Variants in SCARB1 observed in about 807,000 individuals in gnomAD.
The protein encoded by SCARB1 is CD36 and LIMPII analogous 1.
A neutral mutation model predicts 57.2 loss-of-function variants in SCARB1; 30 were observed. That is an observed-to-expected ratio of 0.52 (90% CI 0.39 to 0.71). The LOEUF is 0.71. SCARB1 is among the 30% of genes least tolerant of loss of function. The probability of loss-of-function intolerance (pLI) is 0.00; values close to 1 mark genes in which losing one functional copy is unlikely to be tolerated. For missense variants in SCARB1, 543 were observed against 671.2 expected (o/e 0.81, Z 2.11); for synonymous variants, 249 against 268.3 (o/e 0.93, Z 0.70).
chr12:124,834,778 T>TG (rs1951562777), intron 1 of SCARB1, among the ~76,000 whole-genome samples: 1 of 152,160 alleles, frequency 6.6e-6, no homozygotes, highest in East Asian at 1.9e-4. Context: ...CATGGTGGCA[T>TG]GTACTTGTAG....
rs838915 is a variant in SCARB1 at position 124,800,051 on chromosome 12, G to T, written c.1128+73C>A. On this transcript the variant is annotated intron_variant, in intron 8 of 12. Transcript: ENST00000261693. This position sits in a 1 kb window ranked among gnomAD's most constrained non-coding sequence, Gnocchi z 4.8. ...CCAGCCCACAGCAGCTCTCTGCCTGGGGAGAGAGGAGGCAGCCAGGTGTGC... is the reference window on the plus strand; with the variant it reads ...CCAGCCCACAGCAGCTCTCTGCCTGTGGAGAGAGGAGGCAGCCAGGTGTGC... 7.6e-3 allele frequency: 8,665 copies of T among 1,136,796 alleles called. 425 individuals carry two copies. In the African/African-American group the frequency reaches 0.11, roughly 15 times the overall value. The allele number at this position is 1,136,796 out of a possible 1,614,324, so 70.4% of individuals were successfully genotyped here. A position where few individuals can be genotyped will look rare whatever the true frequency, so the allele number is the denominator to read the frequency against.
chr12:124,851,554 A>C (rs1029037576), intron 1 of SCARB1, among the ~76,000 whole-genome samples: 8 of 151,536 alleles, frequency 5.3e-5, no homozygotes, highest in Non-Finnish European at 2.9e-5. Flanking sequence ...CGGTCTCCTG[A>C]CTCAGCCTCG....
At position 124,783,150 on chromosome 12, in the gene SCARB1, G is replaced by A. The variant is rs374631097; in HGVS notation, c.1402-339C>T. 2.3e-4 allele frequency: 70 copies of A among 307,162 alleles called. 1 individual carries two copies. The highest frequency in any genetic ancestry group is 2.3e-3 in the East Asian group (30 of 13,298). The allele number at this position is 307,162 out of a possible 1,614,324, so 19.0% of individuals were successfully genotyped here. Reference sequence around the variant, plus strand: ...AGCTGGGGGGCTGTTTAAAATCAACGAGGAACAGATTGTTCTGTTAAAATA... The same window carrying A: ...AGCTGGGGGGCTGTTTAAAATCAACAAGGAACAGATTGTTCTGTTAAAATA... On this transcript the variant is annotated intron_variant, in intron 11 of 12. Coordinates refer to ENST00000261693, the MANE Select transcript of SCARB1 (RefSeq NM_005505.5).
intron 1 of SCARB1, among the ~76,000 whole-genome samples, chr12:124,836,778 A>C (rs1381993852): frequency 6.6e-6 from 1 of 152,236 alleles, no homozygotes; most frequent in Non-Finnish European, 1.5e-5. Context: ...TGGGTGACAG[A>C]GCAAGACCCT....
chr12:124,778,564 TG>T lies in SCARB1; in HGVS notation c.*22del. 1 of 1,395,000 alleles carries T rather than the reference TG, an allele frequency of 7.2e-7. No homozygotes were observed. Among genetic ancestry groups the T allele is most frequent in the Non-Finnish European group, 9.3e-7 (1 of 1,074,222 alleles). The allele number at this position is 1,395,000 out of a possible 1,614,324, so 86.4% of individuals were successfully genotyped here. On this transcript the variant is annotated 3_prime_UTR_variant, in exon 13 of 13. Transcript: ENST00000261693. ...GTCAGGCCCAGCGGCCAGGCCTGGCTGGCTCACGGTGTCCTCAGGACCCTGT... is the reference window on the plus strand; with the variant it reads ...GTCAGGCCCAGCGGCCAGGCCTGGCTGCTCACGGTGTCCTCAGGACCCTGT...
At chr12:124,831,837 C>T (rs769549623) in intron 1 of SCARB1, among the ~76,000 whole-genome samples, 23 of 152,326 alleles carry the variant, frequency 1.5e-4, no homozygotes, top group African/African-American at 3.4e-4. Flanking sequence ...TTCCAAAACC[C>T]GGAACTAGGG....
intron 1 of SCARB1, among the ~76,000 whole-genome samples, chr12:124,853,047 G>C (rs1395112346): frequency 6.6e-6 from 1 of 152,134 alleles, no homozygotes; most frequent in East Asian, 1.9e-4. Context: ...CAGTGGACGT[G>C]GGGGGCAACT....
At chr12:124,829,000 A>T (rs552255009) in intron 1 of SCARB1, among the ~76,000 whole-genome samples, 2 of 152,330 alleles carry the variant, frequency 1.3e-5, no homozygotes, top group East Asian at 3.9e-4. Flanking sequence ...GGGCCTTAAG[A>T]TGCAGGAACA....
chr12:124,801,769 A>G (rs1213030398), intron 7 of SCARB1, among the ~76,000 whole-genome samples: 2 of 151,988 alleles, frequency 1.3e-5, no homozygotes, highest in African/African-American at 4.8e-5. Context: ...AGCCTGGACA[A>G]TAGTTTTCGG....
At chr12:124,805,793 C>T (rs986037854) in intron 7 of SCARB1, among the ~76,000 whole-genome samples, 9 of 130,930 alleles carry the variant, frequency 6.9e-5, no homozygotes, top group African/African-American at 2.6e-4. Context: ...TGGTCTCGAA[C>T]TCTTGGCCTG....
intron 11 of SCARB1, chr12:124,786,030 A>G: frequency 6.7e-7 from 1 of 1,493,434 alleles, no homozygotes; most frequent in Non-Finnish European, 8.9e-7. Context: ...CCTCGCCCCT[A>G]ACAGAACCTG....
In SCARB1 at chr12:124,810,988, G is replaced by A. The variant is rs569746706; in HGVS notation, c.727-699C>T. 9.8e-4 allele frequency among the ~76,000 whole-genome samples: 149 copies of A among 152,184 alleles called. No individual in the cohort carries two copies. The highest frequency in any genetic ancestry group is 1.7e-3 in the Non-Finnish European group (113 of 68,036). On this transcript the variant is annotated intron_variant, in intron 5 of 12. Coordinates refer to ENST00000261693, the MANE Select transcript of SCARB1 (RefSeq NM_005505.5). The surrounding 1 kb of genome is among the most constrained non-coding windows in gnomAD (Gnocchi z 4.0). ...CTTTGCAGTAACTACCACGGGGAGT[G>A]GGGAGTGGGAAGTCACACAGTCATT...
Position 124,863,856 on chromosome 12 carries a change from G to A in SCARB1, c.-136C>T, listed in dbSNP as rs970022311. 9.0e-6 allele frequency: 10 copies of A among 1,110,876 alleles called. No homozygotes were observed. The highest frequency in any genetic ancestry group is 1.7e-5 in the African/African-American group (1 of 60,014). The allele number at this position is 1,110,876 out of a possible 1,614,324, so 68.8% of individuals were successfully genotyped here. On this transcript the variant is annotated 5_prime_UTR_variant, in exon 1 of 13. Coordinates refer to ENST00000261693, the MANE Select transcript of SCARB1 (RefSeq NM_005505.5). ...GGCACGGTGGATCCGGGACGGCAGCGCACGCAGGAGCAGCCCGGCAGGTGG... is the reference window on the plus strand; with the variant it reads ...GGCACGGTGGATCCGGGACGGCAGCACACGCAGGAGCAGCCCGGCAGGTGG...
Position 124,778,383 on chromosome 12 carries a change from TGTCTGCACAA to T in SCARB1, c.*194_*203del. On this transcript the variant is annotated 3_prime_UTR_variant, in exon 13 of 13. Coordinates refer to ENST00000261693, the MANE Select transcript of SCARB1 (RefSeq NM_005505.5). ...CTTCAGCAGCAGCTCCATCCCTGAGTGTCTGCACAAGCCTGCACGCATGTGTGTATGTGTG... is the reference window on the plus strand; with the variant it reads ...CTTCAGCAGCAGCTCCATCCCTGAGTGCCTGCACGCATGTGTGTATGTGTG... The T allele has an allele frequency of 8.3e-7, 1 of 1,199,896 alleles. No homozygotes were observed. Among genetic ancestry groups the T allele is most frequent in the Non-Finnish European group, 1.0e-6 (1 of 952,592 alleles). The allele number at this position is 1,199,896 out of a possible 1,614,324, so 74.3% of individuals were successfully genotyped here. A position where few individuals can be genotyped will look rare whatever the true frequency, so the allele number is the denominator to read the frequency against.
At chr12:124,785,091 C>T (rs974205231) in intron 11 of SCARB1, 2 of 152,338 alleles carry the variant, frequency 1.3e-5, no homozygotes, top group Admixed American at 6.5e-5. Context: ...TTCCCCACTT[C>T]CGTTCCCTCC....
intron 7 of SCARB1, among the ~76,000 whole-genome samples, chr12:124,804,287 G>A (rs1279695877): frequency 6.6e-6 from 1 of 152,248 alleles, no homozygotes; most frequent in Non-Finnish European, 1.5e-5. Context: ...ACTCGGAGCT[G>A]GGCGGAGGTG....
In SCARB1 at chr12:124,807,820, T is replaced by C. The variant is rs762715707; in HGVS notation, c.950A>G (p.Asn317Ser). 5 of 1,614,014 alleles carry C rather than the reference T, an allele frequency of 3.1e-6. No homozygotes were observed. Among genetic ancestry groups the C allele is most frequent in the African/African-American group, 2.7e-5 (2 of 74,902 alleles). Residue 317 changes from asparagine (N) to serine (S), a missense_variant, in exon 7 of 13, where the codon AAC (asparagine) becomes AGC (serine). Asn to Ser is a conservative substitution (Grantham distance 46). Transcript: ENST00000261693. The surrounding 1 kb of genome is among the most constrained non-coding windows in gnomAD (Gnocchi z 5.3). ...CTCCAGGCACGGGCAGAAGCCTTCG[T>C]TGGGTGGGTAGATGGACCCGTTGGC... Reference protein sequence around the residue: ...LFANGSIYPPNEGFCPCLESG... With the variant: ...LFANGSIYPPSEGFCPCLESG...
chr12:124,798,720 G>A (rs1334871405), intron 8 of SCARB1, among the ~76,000 whole-genome samples: 1 of 150,398 alleles, frequency 6.6e-6, no homozygotes, highest in East Asian at 2.0e-4. Flanking sequence ...GTGTGTGCCT[G>A]TAATCCCAGC....
intron 8 of SCARB1, among the ~76,000 whole-genome samples, chr12:124,798,646 C>G (rs1223929701): frequency 1.3e-5 from 2 of 151,870 alleles, no homozygotes; most frequent in African/African-American, 4.8e-5. Flanking sequence ...AGTTCGAGAC[C>G]AGCATGGCCA....
Sources: allele counts gnomAD v4.1 joint callset (sites outside exome capture counted in the v4.1 genomes callset), GRCh38; gene constraint gnomAD v4.1.1; non-coding constraint Gnocchi (gnomAD v3.1); transcripts MANE v1.5; gene names NCBI Gene and HGNC (gene_info 2026-07-23, HGNC 2026-07-21).